ZNF440: variants seen among roughly 807,000 people sequenced by gnomAD.
ZNF440 encodes the protein zinc finger protein 440.
A neutral mutation model predicts 49.7 loss-of-function variants in ZNF440; 47 were observed. That is an observed-to-expected ratio of 0.95 (90% confidence interval 0.75 to 1.21). The LOEUF (loss-of-function observed/expected upper bound fraction) is 1.21, where lower values mean the gene tolerates loss of function less well. Among genes scored for constraint, ZNF440 ranks in the 50% most tolerant of loss-of-function variants. The probability of loss-of-function intolerance (pLI) is 0.00; values close to 1 mark genes in which losing one functional copy is unlikely to be tolerated. For missense variants in ZNF440, 703 were observed against 715.0 expected (o/e 0.98, Z 0.19); for synonymous variants, 255 against 237.7 (o/e 1.07, Z -0.67).
At position 11,831,464 on chromosome 19, in the gene ZNF440, G is replaced by A; in HGVS notation, c.288G>A (p.Glu96=). The change falls in exon 4 of 4, where the codon GAG becomes GAA. Residue 96 remains glutamate, a synonymous_variant. Transcript: ENST00000304060. ...CAGATGACAGACTGAACTTCCAGGA[G>A]AAGAAAGCTTCTCCTGAAGTAAAAT... The part of the protein sequence containing the change: ...PVPDDRLNFQ[E]KKASPEVKSC... The A allele has an allele frequency of 1.2e-6, 2 of 1,613,944 alleles. No individual in the cohort carries two copies. The highest frequency in any genetic ancestry group is 1.1e-5 in the South Asian group (1 of 91,080).
Position 11,834,248 on chromosome 19 carries a change from T to G in ZNF440, c.*1284T>G, listed in dbSNP as rs2145136587. On this transcript the variant is annotated 3_prime_UTR_variant, in exon 4 of 4. Coordinates refer to ENST00000304060, the MANE Select transcript of ZNF440 (RefSeq NM_152357.3). The stretch of plus-strand genomic sequence containing the variant: ...TTCAAGCAATTCTCCTGCCTCAGTC[T>G]CCTGAGTAGCTGGGACTACAGGCAT... The G allele has an allele frequency of 5.5e-6, 1 of 180,184 alleles. No homozygotes were observed. Among genetic ancestry groups the G allele is most frequent in the East Asian group, 1.5e-4 (1 of 6,650 alleles). 11.2% of individuals were successfully genotyped at this position (180,184 alleles called of 1,614,324 possible). A position where few individuals can be genotyped will look rare whatever the true frequency, so the allele number is the denominator to read the frequency against.
intron 1 of ZNF440, among the ~76,000 whole-genome samples, chr19:11,827,041 C>T (rs543355386): frequency 3.4e-5 from 5 of 148,996 alleles, no homozygotes; most frequent in Admixed American, 6.7e-5. Flanking sequence ...CATTCTTTAG[C>T]GGGAGGTATA....
intron 3 of ZNF440, among the ~76,000 whole-genome samples, 167 bp downstream of exon 3, chr19:11,830,844 C>T (rs553851801): frequency 3.9e-5 from 6 of 152,280 alleles, no homozygotes; most frequent in Non-Finnish European, 8.8e-5. Context: ...GCTGTGGGCT[C>T]ACTCCTGTAA....
At chr19:11,830,035 G>A in intron 1 of ZNF440, 2 of 639,950 alleles carry the variant, frequency 3.1e-6, no homozygotes, top group Non-Finnish European at 4.9e-6. Flanking sequence ...GGAAGAAGAA[G>A]TGCTAGAACC....
At chr19:11,829,969 A>G (rs911230847) in intron 1 of ZNF440, 15 of 312,644 alleles carry the variant, frequency 4.8e-5, no homozygotes, top group Non-Finnish European at 8.0e-5. Flanking sequence ...CTAAAAATAC[A>G]ACATTAGCCA....
At chr19:11,815,202 G>A (rs1415877890) in intron 1 of ZNF440, among the ~76,000 whole-genome samples, 2 of 151,408 alleles carry the variant, frequency 1.3e-5, no homozygotes, top group Non-Finnish European at 2.9e-5. Context: ...GCGTGAACCC[G>A]GGAGGTGGAG....
At chr19:11,826,219 C>T (rs904698130) in intron 1 of ZNF440, among the ~76,000 whole-genome samples, 3 of 152,300 alleles carry the variant, frequency 2.0e-5, no homozygotes, top group South Asian at 2.1e-4. Context: ...CCTGGTGTCA[C>T]GCCTCATCCC....
Position 11,835,098 on chromosome 19 carries a change from GC to G in ZNF440, c.*2135del, listed in dbSNP as rs541007397. ...CTTGGCCTTAGGGCCGAGTGCGGTG[GC>G]TCACGCCTATAATCCCAGCACTTTG... On this transcript the variant is annotated 3_prime_UTR_variant, in exon 4 of 4. Transcript: ENST00000304060. 15 of 152,282 alleles carry G rather than the reference GC, an allele frequency of 9.9e-5. No individual in the cohort carries two copies. Among genetic ancestry groups the G allele is most frequent in the Admixed American group, 1.3e-4 (2 of 15,288 alleles). The allele number at this position is 152,282 out of a possible 1,614,324, so 9.4% of individuals were successfully genotyped here.
chr19:11,833,757 G>A lies in ZNF440; in HGVS notation c.*793G>A, dbSNP rs1062267. ...GAAGCCCTATGAATATAAGCAATGTGGGAAAGCCTTCAGATCAGCCTCGCA... is the reference window on the plus strand; with the variant it reads ...GAAGCCCTATGAATATAAGCAATGTAGGAAAGCCTTCAGATCAGCCTCGCA... On this transcript the variant is annotated 3_prime_UTR_variant, in exon 4 of 4. Coordinates refer to ENST00000304060, the MANE Select transcript of ZNF440 (RefSeq NM_152357.3). The A allele has an allele frequency of 3.7e-6, 3 of 819,218 alleles. No homozygotes were observed. The highest frequency in any genetic ancestry group is 5.4e-6 in the Non-Finnish European group (3 of 551,896). 50.7% of individuals were successfully genotyped at this position (819,218 alleles called of 1,614,324 possible).
At chr19:11,820,899 G>A (rs867636187) in intron 1 of ZNF440, among the ~76,000 whole-genome samples, 1 of 152,170 alleles carries the variant, frequency 6.6e-6, no homozygotes, top group Admixed American at 6.6e-5. Flanking sequence ...CTTCAACGGG[G>A]TGGAGCAATA....
At position 11,832,160 on chromosome 19, in the gene ZNF440, AAC is replaced by A. The variant is rs1178211555; in HGVS notation, c.989_990del (p.His330ArgfsTer11). ...KALSSLTSFQ[T>X]HVRLHSGERP... is the part of the protein sequence containing the mutation. ...CATTATCCTCTCTTACAAGTTTTCA[AAC>A]ACACGTAAGATTGCACTCTGGAGAA... is the stretch of plus-strand genomic sequence containing the variant. On this transcript the variant is annotated frameshift_variant, in exon 4 of 4. Coordinates refer to ENST00000304060, the MANE Select transcript of ZNF440 (RefSeq NM_152357.3). LOFTEE classifies it high-confidence loss of function. The A allele has an allele frequency of 2.5e-6, 4 of 1,614,250 alleles. No homozygotes were observed.
In ZNF440 at chr19:11,832,809, G is replaced by A. The variant is rs1975969077; in HGVS notation, c.1633G>A (p.Val545Met). Residue 545 changes from valine to methionine, a missense_variant, in exon 4 of 4, where the codon GTG becomes ATG. Val to Met is a conservative substitution (Grantham distance 21). Coordinates refer to ENST00000304060, the MANE Select transcript of ZNF440 (RefSeq NM_152357.3). ...GLTLKRNPMS[V>M]SNDGKPSDLP... ...CACCCTGAAGAGAAACCCTATGAGTGTGAGCAATGACGGAAAGCCTTCAGA... is the reference window on the plus strand; with the variant it reads ...CACCCTGAAGAGAAACCCTATGAGTATGAGCAATGACGGAAAGCCTTCAGA... 4 of 1,613,960 alleles carry A rather than the reference G, an allele frequency of 2.5e-6. No individual in the cohort carries two copies.
chr19:11,816,479 G>A (rs536317136), intron 1 of ZNF440: 1 of 152,272 alleles, frequency 6.6e-6, no homozygotes, highest in South Asian at 2.1e-4. Flanking sequence ...TTACATGAAT[G>A]TGCGTCAGTT....
At chr19:11,820,561 C>T (rs1975787382) in intron 1 of ZNF440, among the ~76,000 whole-genome samples, 1 of 152,074 alleles carries the variant, frequency 6.6e-6, no homozygotes, top group Non-Finnish European at 1.5e-5. Flanking sequence ...GGTTTTAGAA[C>T]GGCCTGGGGA....
At chr19:11,815,169 C>G (rs1274862537) in intron 1 of ZNF440, among the ~76,000 whole-genome samples, 5 of 151,458 alleles carry the variant, frequency 3.3e-5, no homozygotes, top group Admixed American at 3.3e-4. Flanking sequence ...TCCAGCTACT[C>G]GGGAGGCTGA....
At chr19:11,828,015 TG>T (rs982269133) in intron 1 of ZNF440, among the ~76,000 whole-genome samples, 6 of 152,218 alleles carry the variant, frequency 3.9e-5, no homozygotes, top group African/African-American at 1.4e-4. Context: ...TTATTTATGC[TG>T]GAGGTTGCAC....
chr19:11,831,436 T>A lies in ZNF440; in HGVS notation c.260T>A (p.Val87Asp). ...DSHCGETFTP[V>D]PDDRLNFQEK... ...CATTGTGGAGAAACTTTTACCCCAG[T>A]TCCAGATGACAGACTGAACTTCCAG... Residue 87 changes from valine to aspartate, a missense_variant, in exon 4 of 4, where the codon GTT becomes GAT. Coordinates refer to ENST00000304060, the MANE Select transcript of ZNF440 (RefSeq NM_152357.3). The A allele has an allele frequency of 1.2e-6, 2 of 1,613,806 alleles. No individual in the cohort carries two copies. The highest frequency in any genetic ancestry group is 1.7e-6 in the Non-Finnish European group (2 of 1,179,824).
At chr19:11,824,198 AAAAG>A (rs1413261741) in intron 1 of ZNF440, among the ~76,000 whole-genome samples, 1 of 150,850 alleles carries the variant, frequency 6.6e-6, no homozygotes, top group African/African-American at 2.4e-5. Context: ...AAAAAAAAAA[AAAAG>A]AAAAGAAAAG....
At position 11,834,114 on chromosome 19, in the gene ZNF440, C is replaced by A. The variant is rs975724922; in HGVS notation, c.*1150C>A. ...TTCTGTACTTACATTTTTATCTCAA[C>A]CTTAATTTTTCTTTCTTTTTTTTTT... On this transcript the variant is annotated 3_prime_UTR_variant, in exon 4 of 4. Coordinates refer to ENST00000304060, the MANE Select transcript of ZNF440 (RefSeq NM_152357.3). 6.8e-6 allele frequency: 2 copies of A among 292,024 alleles called. No individual in the cohort carries two copies. Among genetic ancestry groups the A allele is most frequent in the Non-Finnish European group, 1.3e-5 (2 of 149,780 alleles). 18.1% of individuals were successfully genotyped at this position (292,024 alleles called of 1,614,324 possible). A position where few individuals can be genotyped will look rare whatever the true frequency, so the allele number is the denominator to read the frequency against.
Sources: gnomAD v4.1 joint callset for allele counts (sites outside exome capture counted in the v4.1 genomes callset) on GRCh38, gnomAD v4.1.1 for gene constraint, MANE v1.5 for transcripts, NCBI Gene and HGNC (gene_info 2026-07-23, HGNC 2026-07-21) for gene names.